The following PPP1R14C variants were observed in gnomAD, a reference collection of about 807,000 sequenced individuals.
PPP1R14C encodes the protein protein phosphatase 1 regulatory inhibitor subunit 14C, also known as protein phosphatase 1 regulatory subunit 14C.
In PPP1R14C, 16 loss-of-function variants were observed where a neutral mutation model predicts 20.4. That is an observed-to-expected ratio of 0.78 (90% CI 0.53 to 1.19). PPP1R14C has a LOEUF of 1.19. PPP1R14C is among the 50% of genes most tolerant of loss of function. The probability of loss-of-function intolerance (pLI) is 0.00; values close to 1 mark genes in which losing one functional copy is unlikely to be tolerated. For synonymous variants in PPP1R14C, 91 were observed against 91.0 expected (o/e 1.00, Z 0.00); for missense variants, 211 against 220.1 (o/e 0.96, Z 0.26).
chr6:150,192,533 C>T (rs1316631784), intron 1 of PPP1R14C, among the ~76,000 whole-genome samples: 1 of 152,132 alleles, frequency 6.6e-6, no homozygotes, highest in Non-Finnish European at 1.5e-5. Flanking sequence ...TACTGTGTGG[C>T]CTGGTCCCAA....
intron 3 of PPP1R14C, among the ~76,000 whole-genome samples, chr6:150,244,680 T>C (rs1022089903): frequency 5.9e-5 from 9 of 152,228 alleles, no homozygotes; most frequent in African/African-American, 2.2e-4. Flanking sequence ...TTTATTTTAT[T>C]TAATTTCAAT....
intron 1 of PPP1R14C, among the ~76,000 whole-genome samples, chr6:150,162,147 T>G (rs1487946641): frequency 6.6e-6 from 1 of 150,466 alleles, no homozygotes; most frequent in Non-Finnish European, 1.5e-5. Context: ...CTCTGCCTCC[T>G]GGGTTCAAGT....
chr6:150,208,704 G>A (rs537672513), intron 1 of PPP1R14C, among the ~76,000 whole-genome samples: 2 of 152,116 alleles, frequency 1.3e-5, no homozygotes, highest in African/African-American at 2.4e-5. Context: ...GAGTGATAGC[G>A]TTTGGCTTCA....
chr6:150,237,901 G>A (rs1307886077), intron 3 of PPP1R14C, among the ~76,000 whole-genome samples: 3 of 149,812 alleles, frequency 2.0e-5, no homozygotes, highest in Non-Finnish European at 4.4e-5. Flanking sequence ...GTTTTTTTTA[G>A]GCATCTGTTT....
At chr6:150,194,329 A>C (rs984912436) in intron 1 of PPP1R14C, among the ~76,000 whole-genome samples, 3 of 152,336 alleles carry the variant, frequency 2.0e-5, no homozygotes, top group African/African-American at 4.8e-5. Flanking sequence ...TTACTTAACA[A>C]ATTCAAAACA....
chr6:150,143,049 A>G lies in PPP1R14C; in HGVS notation c.-144A>G. The G allele has an allele frequency of 9.4e-7, 1 of 1,068,000 alleles. No homozygotes were observed. The highest frequency in any genetic ancestry group is 1.7e-5 in the African/African-American group (1 of 59,028). The allele number at this position is 1,068,000 out of a possible 1,614,324, so 66.2% of individuals were successfully genotyped here. A position where few individuals can be genotyped will look rare whatever the true frequency, so the allele number is the denominator to read the frequency against. Reference sequence around the variant, plus strand: ...GCGGCTCCTCCCGCCCTCCCAGAGCAGCCGGGCGGCTGGGCGCGCGCGGCG... The same window carrying G: ...GCGGCTCCTCCCGCCCTCCCAGAGCGGCCGGGCGGCTGGGCGCGCGCGGCG... On this transcript the variant is annotated 5_prime_UTR_variant, in exon 1 of 4. Coordinates refer to ENST00000361131, the MANE Select transcript of PPP1R14C (RefSeq NM_030949.3). The surrounding 1 kb of genome is among the most constrained non-coding windows in gnomAD (Gnocchi z 5.6).
intron 3 of PPP1R14C, among the ~76,000 whole-genome samples, chr6:150,224,066 C>T (rs182249440): frequency 1.8e-4 from 28 of 152,238 alleles, no homozygotes; most frequent in African/African-American, 5.3e-4. Context: ...ATTTTTTGCA[C>T]GTGGATTTCC....
intron 1 of PPP1R14C, among the ~76,000 whole-genome samples, chr6:150,204,885 G>T (rs1383395805): frequency 6.6e-6 from 1 of 152,070 alleles, no homozygotes; most frequent in Non-Finnish European, 1.5e-5. Context: ...CCCATGCTGT[G>T]CTCTGTTCAC....
intron 1 of PPP1R14C, among the ~76,000 whole-genome samples, chr6:150,212,787 T>C (rs547916751): frequency 2.8e-4 from 42 of 152,362 alleles, no homozygotes; most frequent in South Asian, 2.1e-3. Flanking sequence ...TTTCCCACTG[T>C]GTTACCGTTG....
chr6:150,203,576 C>G (rs189903333), intron 1 of PPP1R14C, among the ~76,000 whole-genome samples: 2 of 152,110 alleles, frequency 1.3e-5, no homozygotes, highest in African/African-American at 2.4e-5. Context: ...GGAGCCTTCC[C>G]GAGGCAGGAG....
intron 3 of PPP1R14C, among the ~76,000 whole-genome samples, chr6:150,246,351 G>A (rs1263973912): frequency 6.6e-6 from 1 of 151,866 alleles, no homozygotes; most frequent in Non-Finnish European, 1.5e-5. Flanking sequence ...TTTTGTAGTA[G>A]TCATATGCAT....
At position 150,195,754 on chromosome 6, in the gene PPP1R14C, A is replaced by G. The variant is rs183351249; in HGVS notation, c.307-18990A>G. ...AGTACATTTACTATTTTTTTTTGCA[A>G]CCATCCCCACCATTCATCTCCCGAA... On this transcript the variant is annotated intron_variant, in intron 1 of 3. Transcript: ENST00000361131. The G allele has an allele frequency of 5.2e-6, 4 of 775,818 alleles. No individual in the cohort carries two copies. The Admixed American group carries it at 2.5e-4, about 48-fold the overall frequency. 48.1% of individuals were successfully genotyped at this position (775,818 alleles called of 1,614,324 possible).
At chr6:150,156,466 C>T (rs1025225145) in intron 1 of PPP1R14C, among the ~76,000 whole-genome samples, 12 of 152,150 alleles carry the variant, frequency 7.9e-5, no homozygotes, top group East Asian at 1.9e-4. Context: ...ATGTCAATAG[C>T]GCACACATTG....
At chr6:150,218,360 G>T (rs556552171) in intron 3 of PPP1R14C, among the ~76,000 whole-genome samples, 1 of 151,510 alleles carries the variant, frequency 6.6e-6, no homozygotes, top group Non-Finnish European at 1.5e-5. Flanking sequence ...CCGAGATTGC[G>T]CCACTGCACT....
At chr6:150,168,119 C>G (rs1249546699) in intron 1 of PPP1R14C, among the ~76,000 whole-genome samples, 1 of 128,680 alleles carries the variant, frequency 7.8e-6, no homozygotes, top group Non-Finnish European at 1.6e-5. Context: ...TTCCCTCCCC[C>G]ACTCCTTCTC....
In PPP1R14C at chr6:150,143,733, C is replaced by G. The variant is rs1326717152; in HGVS notation, c.306+235C>G. ...CGGTGCCCGGGGATCTGCGGGCCCC[C>G]TTGGTGGCCGTGGGGAGGGTTGGGT... On this transcript the variant is annotated intron_variant, in intron 1 of 3. Transcript: ENST00000361131. The surrounding 1 kb of genome is among the most constrained non-coding windows in gnomAD (Gnocchi z 5.6). Among the ~76,000 whole-genome samples the G allele has an allele frequency of 6.6e-6, 1 of 152,144 alleles. No homozygotes were observed. The highest frequency in any genetic ancestry group is 1.5e-5 in the Non-Finnish European group (1 of 67,990).
intron 3 of PPP1R14C, among the ~76,000 whole-genome samples, chr6:150,241,970 G>C (rs186522532): frequency 4.2e-4 from 64 of 152,316 alleles, no homozygotes; most frequent in Admixed American, 1.4e-3. Context: ...GATATGTGGG[G>C]AAACCCCCCA....
rs767197777 is a variant in PPP1R14C at position 150,214,831 on chromosome 6, AG to A, written c.390+5del. On this transcript the variant is annotated splice_donor_5th_base_variant and intron_variant, in intron 2 of 3. Coordinates refer to ENST00000361131, the MANE Select transcript of PPP1R14C (RefSeq NM_030949.3). ...AGAGAGAGCTTCAAAATTACAGGTA[AG>A]CAGTTTCCAAAATTGAGAACCTTCT... 1 of 1,603,840 alleles carries A rather than the reference AG, an allele frequency of 6.2e-7. No individual in the cohort carries two copies. The highest frequency in any genetic ancestry group is 1.1e-5 in the South Asian group (1 of 89,448).
chr6:150,211,713 C>A (rs1012210579), intron 1 of PPP1R14C, among the ~76,000 whole-genome samples: 1 of 152,180 alleles, frequency 6.6e-6, no homozygotes, highest in African/African-American at 2.4e-5. Context: ...CTTTGCTTCC[C>A]AGGACTCTCC....
Sources: gnomAD v4.1 joint callset for allele counts (sites outside exome capture counted in the v4.1 genomes callset) on GRCh38, gnomAD v4.1.1 for gene constraint, Gnocchi (gnomAD v3.1) non-coding constraint, MANE v1.5 for transcripts, NCBI Gene and HGNC (gene_info 2026-07-23, HGNC 2026-07-21) for gene names.